SH3BP4: variants seen among roughly 807,000 people sequenced by gnomAD.
The protein encoded by SH3BP4 is SH3 domain binding protein 4.
Under a neutral mutation model 65.5 loss-of-function variants are expected in SH3BP4, and 33 were observed. That is an observed-to-expected ratio of 0.50 (90% CI 0.38 to 0.67). The LOEUF (loss-of-function observed/expected upper bound fraction) is 0.67, where lower values mean the gene tolerates loss of function less well. Among genes scored for constraint, SH3BP4 ranks in the 30% least tolerant of loss-of-function variants. SH3BP4 has a pLI of 0.00. For synonymous variants in SH3BP4, 552 were observed against 545.5 expected, an observed-to-expected ratio of 1.01 and a Z score of -0.17; for missense variants, 1,134 against 1,261.4, an observed-to-expected ratio of 0.90 and a Z score of 1.53.
At position 235,044,332 on chromosome 2, in the gene SH3BP4, C is replaced by A. The variant is rs754382570; in HGVS notation, c.2478+1085C>A. On this transcript the variant is annotated intron_variant, in intron 4 of 5. Transcript: ENST00000392011. ...AGCCAACCGGGGAGCATTTGCTCAACGCTTTCTTAGCACTGCTCCCCGCAG... is the reference window on the plus strand; with the variant it reads ...AGCCAACCGGGGAGCATTTGCTCAAAGCTTTCTTAGCACTGCTCCCCGCAG... 2.0e-5 allele frequency among the ~76,000 whole-genome samples: 3 copies of A among 152,376 alleles called. No homozygotes were observed. In the East Asian group the frequency reaches 5.8e-4, roughly 29 times the overall value.
In SH3BP4 at chr2:235,042,413, C is replaced by T. The variant is rs1559257601; in HGVS notation, c.1644C>T (p.Tyr548=). 8.7e-6 allele frequency: 14 copies of T among 1,614,010 alleles called. No individual in the cohort carries two copies. The highest frequency in any genetic ancestry group is 2.2e-5 in the East Asian group (1 of 44,882). The change falls in exon 4 of 6, where the codon TAC becomes TAT. Residue 548 remains tyrosine, a synonymous_variant. Transcript: ENST00000392011. The surrounding 1 kb of genome is among the most constrained non-coding windows in gnomAD (Gnocchi z 7.3). ...GTATGTTTTCCAATATGACGAATTA[C>T]GAGGTCAAAGCCAGCGAGCAGGCCA... ...KVCMFSNMTN[Y]EVKASEQAKV... is the part of the protein sequence containing the mutation.
chr2:235,029,445 T>A (rs1695107660), intron 2 of SH3BP4, among the ~76,000 whole-genome samples: 1 of 152,308 alleles, frequency 6.6e-6, no homozygotes, highest in African/African-American at 2.4e-5. Context: ...AGAATGGGAA[T>A]GCAGCCATGT....
chr2:235,014,375 T>C (rs930034622), intron 2 of SH3BP4, among the ~76,000 whole-genome samples: 1 of 152,140 alleles, frequency 6.6e-6, no homozygotes, highest in African/African-American at 2.4e-5. Flanking sequence ...TTGTGTTAGA[T>C]GTTGGAGGCG....
intron 1 of SH3BP4, among the ~76,000 whole-genome samples, chr2:234,963,046 G>A (rs78028526): frequency 0.016 from 2,470 of 152,216 alleles, 67 homozygotes; most frequent in African/African-American, 0.055. Context: ...CACCACGCCC[G>A]GCAATGCTAT....
In SH3BP4 at chr2:234,967,063, A is replaced by G. The variant is rs982002464; in HGVS notation, c.-207+14893A>G. Among the ~76,000 whole-genome samples the G allele has an allele frequency of 6.6e-6, 1 of 152,224 alleles. No homozygotes were observed. The highest frequency in any genetic ancestry group is 2.4e-5 in the African/African-American group (1 of 41,460). ...TGTGTTTTCAGCGCTTTACAACCTT[A>G]CAACCATAGGAGGGGAGGGACTCTT... is the stretch of plus-strand genomic sequence containing the variant. On this transcript the variant is annotated intron_variant, in intron 1 of 5. Coordinates refer to ENST00000392011, the MANE Select transcript of SH3BP4 (RefSeq NM_014521.3). The surrounding 1 kb of genome is among the most constrained non-coding windows in gnomAD (Gnocchi z 4.6).
chr2:235,042,577 A>G lies in SH3BP4; in HGVS notation c.1808A>G (p.Gln603Arg), dbSNP rs1695703769. 3 of 1,613,956 alleles carry G rather than the reference A, an allele frequency of 1.9e-6. No homozygotes were observed. The highest frequency in any genetic ancestry group is 2.7e-5 in the African/African-American group (2 of 74,912). Residue 603 changes from glutamine to arginine, a missense_variant, in exon 4 of 6, where the codon CAG becomes CGG. By Grantham distance (43) the Gln-to-Arg change is conservative. Transcript: ENST00000392011. This position sits in a 1 kb window ranked among gnomAD's most constrained non-coding sequence, Gnocchi z 7.3. ...VKDDQEAILT[Q>R]FCVQTPQPPP... ...GACGACCAGGAGGCCATCCTCACCCAGTTTTGTGTCCAGACTCCTCAGCCA... is the reference window on the plus strand; with the variant it reads ...GACGACCAGGAGGCCATCCTCACCCGGTTTTGTGTCCAGACTCCTCAGCCA...
At chr2:234,981,299 G>A (rs1291003268) in intron 1 of SH3BP4, among the ~76,000 whole-genome samples, 1 of 152,180 alleles carries the variant, frequency 6.6e-6, no homozygotes, top group Non-Finnish European at 1.5e-5. Context: ...CCTTCCTGAG[G>A]TGGAGACTGC....
intron 4 of SH3BP4, among the ~76,000 whole-genome samples, chr2:235,047,281 C>A (rs1366059998): frequency 1.3e-5 from 2 of 152,198 alleles, no homozygotes; most frequent in East Asian, 3.8e-4. Flanking sequence ...GCCTTGTGCT[C>A]CTTCAGGGGT....
rs1301783360 is a variant in SH3BP4 at position 235,040,959 on chromosome 2, A to G, written c.190A>G (p.Lys64Glu). Residue 64 changes from lysine to glutamate, a missense_variant, in exon 4 of 6, where the codon AAG becomes GAG. Transcript: ENST00000392011. The part of the protein sequence containing the change: ...FGNAKEVIAI[K>E]DYCPTNFTTL... ...AAATGCAAAGGAAGTGATTGCGATCAAGGACTATTGCCCCACCAACTTCAC... is the reference window on the plus strand; with the variant it reads ...AAATGCAAAGGAAGTGATTGCGATCGAGGACTATTGCCCCACCAACTTCAC... The G allele has an allele frequency of 6.2e-7, 1 of 1,614,204 alleles. No homozygotes were observed. Among genetic ancestry groups the G allele is most frequent in the Admixed American group, 1.7e-5 (1 of 60,028 alleles).
intron 1 of SH3BP4, among the ~76,000 whole-genome samples, chr2:234,966,779 G>C (rs75994603): frequency 0.024 from 3,635 of 152,260 alleles, 143 homozygotes; most frequent in African/African-American, 0.079. Context: ...TTTGGAAATA[G>C]TTATTTTCAT....
Position 234,967,046 on chromosome 2 carries a change from C to T in SH3BP4, c.-207+14876C>T, listed in dbSNP as rs1692854060. 6.6e-6 allele frequency among the ~76,000 whole-genome samples: 1 copy of T among 152,122 alleles called. No homozygotes were observed. Among genetic ancestry groups the T allele is most frequent in the Non-Finnish European group, 1.5e-5 (1 of 68,040 alleles). ...AGGGCTGCATGCCATCCTGTGTTTT[C>T]AGCGCTTTACAACCTTACAACCATA... On this transcript the variant is annotated intron_variant, in intron 1 of 5. Coordinates refer to ENST00000392011, the MANE Select transcript of SH3BP4 (RefSeq NM_014521.3). This position sits in a 1 kb window ranked among gnomAD's most constrained non-coding sequence, Gnocchi z 4.6.
intron 1 of SH3BP4, among the ~76,000 whole-genome samples, chr2:234,975,007 C>T (rs911337386): frequency 4.6e-5 from 7 of 152,146 alleles, no homozygotes; most frequent in East Asian, 1.9e-4. Flanking sequence ...AGGCCAAGCT[C>T]GGGCGGCAGG....
intron 1 of SH3BP4, among the ~76,000 whole-genome samples, chr2:234,988,274 T>C (rs547528245): frequency 4.6e-5 from 7 of 152,262 alleles, no homozygotes; most frequent in Non-Finnish European, 4.4e-5. Context: ...TTAGCCAGGA[T>C]AGTCTTGATC....
At chr2:235,019,873 TAAAAAAAAAAAAAAA>T (rs199714068) in intron 2 of SH3BP4, among the ~76,000 whole-genome samples, 1 of 112,602 alleles carries the variant, frequency 8.9e-6, no homozygotes, top group Non-Finnish European at 1.8e-5. Flanking sequence ...TAAAGATTCT[TAAAAAAAAAAAAAAA>T]AAAAAAAATC....
Position 235,053,962 on chromosome 2 carries a change from G to C in SH3BP4, c.*146G>C. The C allele has an allele frequency of 3.2e-6, 2 of 633,994 alleles. No homozygotes were observed. Among genetic ancestry groups the C allele is most frequent in the Middle Eastern group, 4.3e-4 (1 of 2,328 alleles). 39.3% of individuals were successfully genotyped at this position (633,994 alleles called of 1,614,324 possible). Reference sequence around the variant, plus strand: ...GCCAGCTAGGCTACACCCATCATGCGCCGCCCTCCTCCATCGAGGGAGAGG... The same window carrying C: ...GCCAGCTAGGCTACACCCATCATGCCCCGCCCTCCTCCATCGAGGGAGAGG... On this transcript the variant is annotated 3_prime_UTR_variant, in exon 6 of 6. Coordinates refer to ENST00000392011, the MANE Select transcript of SH3BP4 (RefSeq NM_014521.3).
In SH3BP4 at chr2:235,035,133, G is replaced by A; in HGVS notation, c.118+13G>A. The A allele has an allele frequency of 1.3e-6, 2 of 1,583,704 alleles. No homozygotes were observed. Among genetic ancestry groups the A allele is most frequent in the South Asian group, 2.2e-5 (2 of 90,502 alleles). On this transcript the variant is annotated intron_variant, in intron 3 of 5. Transcript: ENST00000392011. The surrounding 1 kb of genome is among the most constrained non-coding windows in gnomAD (Gnocchi z 5.0). ...AATGACATCAAAGGTGAGCTTCTGG[G>A]GAACAGGACTGTGGCTAAGGGAGAA... is the stretch of plus-strand genomic sequence containing the variant.
intron 1 of SH3BP4, among the ~76,000 whole-genome samples, chr2:234,994,289 T>G (rs1693846376): frequency 6.6e-6 from 1 of 152,218 alleles, no homozygotes; most frequent in South Asian, 2.1e-4. Context: ...TGGGTGATTG[T>G]GACGCTCCTT....
At chr2:234,961,110 G>A (rs540997502) in intron 1 of SH3BP4, among the ~76,000 whole-genome samples, 83 of 152,212 alleles carry the variant, frequency 5.5e-4, no homozygotes, top group African/African-American at 2.0e-3. Context: ...TTATGACCTC[G>A]GTCACATTTT....
chr2:235,048,999 G>T (rs923414875), intron 4 of SH3BP4, among the ~76,000 whole-genome samples: 5 of 152,222 alleles, frequency 3.3e-5, no homozygotes, highest in Non-Finnish European at 5.9e-5. Context: ...GAATTGGTTG[G>T]CACCCAAAAT....
Sources: gnomAD v4.1 joint callset for allele counts (sites outside exome capture counted in the v4.1 genomes callset) on GRCh38, gnomAD v4.1.1 for gene constraint, Gnocchi (gnomAD v3.1) non-coding constraint, MANE v1.5 for transcripts, NCBI Gene and HGNC (gene_info 2026-07-23, HGNC 2026-07-21) for gene names.